Variants in APAF1 observed in about 807,000 individuals in gnomAD.
APAF1 encodes the protein apoptotic peptidase activating factor 1.
In APAF1, 91 loss-of-function variants were observed where a neutral mutation model predicts 152.4. The ratio of observed to expected loss-of-function variants is 0.60; its 90% CI spans 0.50 to 0.71. The LOEUF is 0.71. Among genes scored for constraint, APAF1 ranks in the 30% least tolerant of loss-of-function variants. The pLI, the probability that APAF1 is intolerant of heterozygous loss-of-function variation, is 0.00. For synonymous variants in APAF1, 484 were observed against 494.1 expected (o/e 0.98, Z 0.27); for missense variants, 1,283 against 1,472.0 (o/e 0.87, Z 2.10).
At position 98,648,433 on chromosome 12, in the gene APAF1, T is replaced by A; in HGVS notation, c.74T>A (p.Ile25Asn). The change falls in exon 2 of 27, where the codon ATC (isoleucine) becomes AAC (asparagine). Residue 25 changes from isoleucine to asparagine, a missense_variant. Transcript: ENST00000551964. ...ALEKDIKTSY[I>N]MDHMISDGFL... is the part of the protein sequence containing the mutation. ...GAAAAGGACATCAAGACATCCTACA[T>A]CATGGATCACATGATTAGTGATGGA... The A allele has an allele frequency of 6.2e-7, 1 of 1,613,994 alleles. No individual in the cohort carries two copies. Among genetic ancestry groups the A allele is most frequent in the Non-Finnish European group, 8.5e-7 (1 of 1,179,894 alleles).
chr12:98,661,649 A>G (rs75766418), intron 5 of APAF1, among the ~76,000 whole-genome samples: 12,751 of 151,746 alleles, frequency 0.084, 718 homozygotes, highest in East Asian at 0.25. Context: ...CTAATATTAT[A>G]TTAGAGACGG....
chr12:98,693,026 T>C (rs1172613019), intron 16 of APAF1, among the ~76,000 whole-genome samples: 1 of 152,090 alleles, frequency 6.6e-6, no homozygotes, highest in Non-Finnish European at 1.5e-5. Context: ...AAGCGTTCCC[T>C]TTTCTCTGCA....
At position 98,733,697 on chromosome 12, in the gene APAF1, G is replaced by A. The variant is rs1464616664; in HGVS notation, c.*1131G>A. 1.3e-5 allele frequency: 2 copies of A among 152,446 alleles called. No homozygotes were observed. Among genetic ancestry groups the A allele is most frequent in the African/African-American group, 2.4e-5 (1 of 41,460 alleles). 9.4% of individuals were successfully genotyped at this position (152,446 alleles called of 1,614,324 possible). A position where few individuals can be genotyped will look rare whatever the true frequency, so the allele number is the denominator to read the frequency against. ...AATCCTCCTGCCTCAGCCTCCCAAA[G>A]TGTTGGGATTGCAGATATGAGCCAC... is the stretch of plus-strand genomic sequence containing the variant. On this transcript the variant is annotated 3_prime_UTR_variant, in exon 27 of 27. Coordinates refer to ENST00000551964, the MANE Select transcript of APAF1 (RefSeq NM_181861.2).
chr12:98,672,261 T>A (rs550055645), intron 12 of APAF1, among the ~76,000 whole-genome samples: 2 of 152,202 alleles, frequency 1.3e-5, no homozygotes, highest in Non-Finnish European at 2.9e-5. Flanking sequence ...GCCTCCCGGA[T>A]TCAAACGATT....
At chr12:98,708,262 G>A (rs1296660709) in intron 19 of APAF1, among the ~76,000 whole-genome samples, 6 of 152,108 alleles carry the variant, frequency 3.9e-5, no homozygotes, top group Non-Finnish European at 8.8e-5. Context: ...CTTACCTTGT[G>A]GATTGGTATC....
chr12:98,655,358 C>T (rs562976615), intron 4 of APAF1, among the ~76,000 whole-genome samples: 3,788 of 151,358 alleles, frequency 0.025, 90 homozygotes, highest in African/African-American at 0.083. Context: ...ACCTCCCAGA[C>T]GGGGTGGTGG....
rs71462247 is a variant in APAF1, at chr12:98,684,510, C to A, written c.2178+1236C>A. ...TCCTCCTCCCTCCTCCTCCCCCCACCCCCCCTCTCATTCTCTCTCATTCCC... is the reference window on the plus strand; with the variant it reads ...TCCTCCTCCCTCCTCCTCCCCCCACACCCCCTCTCATTCTCTCTCATTCCC... On this transcript the variant is annotated intron_variant, in intron 15 of 26. Coordinates refer to ENST00000551964, the MANE Select transcript of APAF1 (RefSeq NM_181861.2). Among the ~76,000 whole-genome samples, 10 of 148,250 alleles carry A rather than the reference C, an allele frequency of 6.7e-5. No homozygotes were observed. The Admixed American group carries it at 6.8e-4, about 10-fold the overall frequency.
chr12:98,731,964 G>A (rs967024437), intron 26 of APAF1, among the ~76,000 whole-genome samples: 2 of 152,208 alleles, frequency 1.3e-5, no homozygotes, highest in Non-Finnish European at 2.9e-5. Context: ...AGATTCAGTA[G>A]AGAGAACATT....
At chr12:98,666,763 A>G (rs1415536123) in intron 9 of APAF1, among the ~76,000 whole-genome samples, 1 of 151,822 alleles carries the variant, frequency 6.6e-6, no homozygotes, top group East Asian at 1.9e-4. Flanking sequence ...GTTTTTCCTG[A>G]CTAGATTGAA....
At chr12:98,653,361 AGTT>A (rs1366571266) in intron 4 of APAF1, among the ~76,000 whole-genome samples, 1 of 151,976 alleles carries the variant, frequency 6.6e-6, no homozygotes, top group Non-Finnish European at 1.5e-5. Flanking sequence ...AAGAATATTA[AGTT>A]GTTAACTTTT....
At chr12:98,692,861 G>A (rs914310605) in intron 16 of APAF1, among the ~76,000 whole-genome samples, 1 of 152,178 alleles carries the variant, frequency 6.6e-6, no homozygotes, top group Non-Finnish European at 1.5e-5. Flanking sequence ...ACAAGTGCAT[G>A]TGTCTTTTTG....
intron 20 of APAF1, 26 bp from the exon 21 acceptor site, chr12:98,712,293 A>C (rs184855841): frequency 7.4e-7 from 1 of 1,352,700 alleles, no homozygotes; most frequent in African/African-American, 1.4e-5. Flanking sequence ...CAGCCTAATA[A>C]CTGATTTTGC....
intron 4 of APAF1, among the ~76,000 whole-genome samples, chr12:98,651,349 T>G (rs2097648703): frequency 6.6e-6 from 1 of 152,260 alleles, no homozygotes; most frequent in Non-Finnish European, 1.5e-5. Context: ...CTGTGTAAAG[T>G]GTGTACTCTT....
intron 24 of APAF1, 63 bp downstream of exon 24, chr12:98,723,827 A>G (rs113858373): frequency 2.6e-6 from 4 of 1,532,598 alleles, no homozygotes. Flanking sequence ...ATGAGTTCAA[A>G]TAATATATGC....
At chr12:98,672,317 A>C (rs186780826) in intron 12 of APAF1, among the ~76,000 whole-genome samples, 3 of 151,854 alleles carry the variant, frequency 2.0e-5, no homozygotes, top group Admixed American at 1.3e-4. Flanking sequence ...GGCGCCCACC[A>C]CCATGCCTGT....
Position 98,674,192 on chromosome 12 carries a change from A to G in APAF1, c.1793+2473A>G, listed in dbSNP as rs573969764. On this transcript the variant is annotated intron_variant, in intron 12 of 26. Transcript: ENST00000551964. ...TTTTTTGTAGAGATAAGGTCTCACT[A>G]TGTTGCCCAAGCTGATCTCAAATTC... 7.9e-5 allele frequency among the ~76,000 whole-genome samples: 12 copies of G among 152,180 alleles called. No homozygotes were observed. The East Asian group carries it at 9.7e-4, about 12-fold the overall frequency.
At chr12:98,673,442 C>CAAAAAAA (rs1162049645) in intron 12 of APAF1, among the ~76,000 whole-genome samples, 1 of 89,244 alleles carries the variant, frequency 1.1e-5, no homozygotes, top group African/African-American at 4.2e-5. Context: ...TCTCAAAAAA[C>CAAAAAAA]AAAAAAAAAA....
chr12:98,682,926 C>T (rs2097693968), intron 14 of APAF1, among the ~76,000 whole-genome samples: 1 of 152,076 alleles, frequency 6.6e-6, no homozygotes, highest in African/African-American at 2.4e-5. Flanking sequence ...GCTATAGGTA[C>T]ATATATGTAT....
At chr12:98,651,012 A>T (rs1396327526) in intron 4 of APAF1, among the ~76,000 whole-genome samples, 1 of 152,214 alleles carries the variant, frequency 6.6e-6, no homozygotes, top group East Asian at 1.9e-4. Flanking sequence ...ATTGACTAAC[A>T]ATCTATGGAA....
Sources: allele counts gnomAD v4.1 joint callset (sites outside exome capture counted in the v4.1 genomes callset), GRCh38; gene constraint gnomAD v4.1.1; transcripts MANE v1.5; gene names NCBI Gene and HGNC (gene_info 2026-07-23, HGNC 2026-07-21).